MNAT1: variants seen among roughly 807,000 people sequenced by gnomAD.
The protein encoded by MNAT1 is MNAT1 component of CDK activating kinase.
In MNAT1, 43 loss-of-function variants were observed where a neutral mutation model predicts 42.0. The ratio of observed to expected loss-of-function variants is 1.02; its 90% CI spans 0.80 to 1.32. The LOEUF is 1.32. MNAT1 is among the 40% of genes most tolerant of loss of function. The pLI, the probability that MNAT1 is intolerant of heterozygous loss-of-function variation, is 0.00. For synonymous variants in MNAT1, 118 were observed against 120.0 expected (o/e 0.98, Z 0.11); for missense variants, 306 against 350.4 (o/e 0.87, Z 1.01).
At chr14:60,916,384 A>T (rs570543330) in intron 7 of MNAT1, among the ~76,000 whole-genome samples, 26 of 152,264 alleles carry the variant, frequency 1.7e-4, no homozygotes, top group African/African-American at 6.0e-4. Flanking sequence ...GCCAGGTGCT[A>T]TGGCTCACGC....
At chr14:60,960,542 T>C (rs1594913456) in intron 7 of MNAT1, among the ~76,000 whole-genome samples, 1 of 152,346 alleles carries the variant, frequency 6.6e-6, no homozygotes, top group African/African-American at 2.4e-5. Context: ...ACCATGCATA[T>C]GTCTCTACTA....
chr14:60,791,634 A>G (rs111958284), intron 1 of MNAT1, among the ~76,000 whole-genome samples: 2 of 152,318 alleles, frequency 1.3e-5, no homozygotes, highest in African/African-American at 4.8e-5. Context: ...TAAATGAGAA[A>G]TGATTATCGT....
At chr14:60,857,455 G>T (rs186511315) in intron 6 of MNAT1, among the ~76,000 whole-genome samples, 3 of 152,326 alleles carry the variant, frequency 2.0e-5, no homozygotes, top group Non-Finnish European at 4.4e-5. Flanking sequence ...TCCTAGGGAT[G>T]AGCAAAGAAA....
At chr14:60,892,904 T>C (rs1445833032) in intron 7 of MNAT1, among the ~76,000 whole-genome samples, 1 of 152,126 alleles carries the variant, frequency 6.6e-6, no homozygotes, top group Non-Finnish European at 1.5e-5. Flanking sequence ...CACCACAGAA[T>C]TACATCTTTA....
chr14:60,844,351 C>T (rs2033628063), intron 6 of MNAT1, among the ~76,000 whole-genome samples: 1 of 152,106 alleles, frequency 6.6e-6, no homozygotes, highest in Non-Finnish European at 1.5e-5. Context: ...TCTTCCACTA[C>T]ATGTACATGG....
chr14:60,755,863 G>T (rs182271008), intron 1 of MNAT1, among the ~76,000 whole-genome samples: 1 of 152,282 alleles, frequency 6.6e-6, no homozygotes, highest in African/African-American at 2.4e-5. Context: ...GCAACAGAGG[G>T]AACAGCAGAG....
chr14:60,842,640 C>T (rs939832869), intron 6 of MNAT1, among the ~76,000 whole-genome samples: 11 of 152,060 alleles, frequency 7.2e-5, no homozygotes, highest in Non-Finnish European at 1.5e-4. Context: ...TATTTTGAGA[C>T]TTGTTTTTGT....
At chr14:60,904,973 T>G in intron 7 of MNAT1, among the ~76,000 whole-genome samples, 1 of 103,208 alleles carries the variant, frequency 9.7e-6, no homozygotes, top group East Asian at 2.4e-4. Flanking sequence ...TGTTCAGCAG[T>G]TCCTTTTTTT....
intron 3 of MNAT1, among the ~76,000 whole-genome samples, chr14:60,802,144 G>T (rs1245470331): frequency 2.0e-5 from 3 of 152,098 alleles, no homozygotes; most frequent in African/African-American, 7.2e-5. Context: ...TGGGGAAAGG[G>T]GAGCTGTATG....
intron 7 of MNAT1, among the ~76,000 whole-genome samples, chr14:60,947,214 A>G (rs771413950): frequency 2.6e-5 from 4 of 152,078 alleles, no homozygotes; most frequent in Non-Finnish European, 5.9e-5. Flanking sequence ...TTTAAAAACA[A>G]TATCTTCCTA....
At chr14:60,747,225 C>T (rs1187104625) in intron 1 of MNAT1, among the ~76,000 whole-genome samples, 2 of 151,974 alleles carry the variant, frequency 1.3e-5, no homozygotes, top group East Asian at 3.9e-4. Flanking sequence ...ACCTTGTGAT[C>T]TGCCCGCCCT....
At chr14:60,896,869 A>G (rs1464525315) in intron 7 of MNAT1, among the ~76,000 whole-genome samples, 1 of 152,222 alleles carries the variant, frequency 6.6e-6, no homozygotes, top group East Asian at 1.9e-4. Context: ...ATAAAAAAAA[A>G]AGACTTGTTG....
intron 7 of MNAT1, among the ~76,000 whole-genome samples, chr14:60,930,333 A>G (rs1334155821): frequency 1.3e-5 from 2 of 151,398 alleles, no homozygotes; most frequent in African/African-American, 4.8e-5. Context: ...ACTATACTCT[A>G]CCCTGTCCCC....
intron 6 of MNAT1, among the ~76,000 whole-genome samples, chr14:60,832,166 A>G (rs1257760884): frequency 6.6e-6 from 1 of 152,312 alleles, no homozygotes; most frequent in South Asian, 2.1e-4. Flanking sequence ...TTTGCTGTGC[A>G]GAAGCTCTTT....
At chr14:60,794,061 C>T (rs2031919925) in intron 1 of MNAT1, among the ~76,000 whole-genome samples, 1 of 152,098 alleles carries the variant, frequency 6.6e-6, no homozygotes, top group African/African-American at 2.4e-5. Flanking sequence ...TATTACCTTG[C>T]TGACTAAACT....
At chr14:60,878,226 T>C (rs952216979) in intron 6 of MNAT1, among the ~76,000 whole-genome samples, 1 of 152,080 alleles carries the variant, frequency 6.6e-6, no homozygotes, top group African/African-American at 2.4e-5. Flanking sequence ...TAGTTCTCAA[T>C]ATAAGCTCCA....
At chr14:60,849,770 AG>A (rs1321969685) in intron 6 of MNAT1, among the ~76,000 whole-genome samples, 1 of 152,154 alleles carries the variant, frequency 6.6e-6, no homozygotes, top group East Asian at 1.9e-4. Context: ...AAATAATGTT[AG>A]ATACTGAACA....
chr14:60,739,559 CATT>C (rs1896406863), intron 1 of MNAT1, among the ~76,000 whole-genome samples: 1 of 152,048 alleles, frequency 6.6e-6, no homozygotes, highest in Non-Finnish European at 1.5e-5. Context: ...AGAGGTGAAA[CATT>C]ATTAAATACC....
chr14:60,941,983 G>A (rs1271322181), intron 7 of MNAT1, among the ~76,000 whole-genome samples: 2 of 101,810 alleles, frequency 2.0e-5, no homozygotes, highest in Non-Finnish European at 3.5e-5. Flanking sequence ...CAGCCTGGGC[G>A]ACAGAATGAG....
Sources: allele counts gnomAD v4.1 joint callset (sites outside exome capture counted in the v4.1 genomes callset), GRCh38; gene constraint gnomAD v4.1.1; transcripts MANE v1.5; gene names NCBI Gene and HGNC (gene_info 2026-07-23, HGNC 2026-07-21).